IQGAP2: variants seen among roughly 807,000 people sequenced by gnomAD.
IQGAP2 encodes the protein IQ motif containing GTPase activating protein 2, also known as ras GTPase-activating-like protein IQGAP2.
A neutral mutation model predicts 201.3 loss-of-function variants in IQGAP2; 173 were observed. The ratio of observed to expected loss-of-function variants is 0.86; its 90% confidence interval spans 0.76 to 0.98. The LOEUF (loss-of-function observed/expected upper bound fraction) is 0.98. IQGAP2 is among the 50% of genes least tolerant of loss of function. The pLI is 0.00. For synonymous variants in IQGAP2, 675 were observed against 673.9 expected (o/e 1.00, Z -0.03); for missense variants, 1,687 against 1,864.8 (o/e 0.90, Z 1.76).
chr5:76,587,100 A>G (rs115341403), intron 5 of IQGAP2, among the ~76,000 whole-genome samples: 3,924 of 152,296 alleles, frequency 0.026, 79 homozygotes, highest in Non-Finnish European at 0.04. Flanking sequence ...TTTTTTCCTA[A>G]GCAATGATGC....
intron 2 of IQGAP2, among the ~76,000 whole-genome samples, chr5:76,542,444 C>T (rs1275902100): frequency 6.6e-6 from 1 of 152,210 alleles, no homozygotes; most frequent in Non-Finnish European, 1.5e-5. Flanking sequence ...TTACCGGTAC[C>T]GGCCTCACCC....
At chr5:76,617,379 G>A (rs1348638938) in intron 13 of IQGAP2, 2 of 517,986 alleles carry the variant, frequency 3.9e-6, no homozygotes, top group Non-Finnish European at 6.8e-6. Context: ...AGCCAAGATA[G>A]TGCCACTGCA....
chr5:76,595,253 T>A (rs1044207724), intron 9 of IQGAP2, among the ~76,000 whole-genome samples: 2 of 142,132 alleles, frequency 1.4e-5, no homozygotes, highest in African/African-American at 5.2e-5. Flanking sequence ...CTTTTTTTTT[T>A]TTTTTTTTTT....
At chr5:76,644,183 A>G (rs1242669892) in intron 17 of IQGAP2, among the ~76,000 whole-genome samples, 2 of 152,052 alleles carry the variant, frequency 1.3e-5, no homozygotes, top group Non-Finnish European at 2.9e-5. Context: ...GATACTCTGC[A>G]CAGAAAATAT....
chr5:76,441,754 AC>A (rs1753053731), intron 1 of IQGAP2, among the ~76,000 whole-genome samples: 1 of 152,202 alleles, frequency 6.6e-6, no homozygotes, highest in African/African-American at 2.4e-5. Context: ...AGATATCAAA[AC>A]TAAAGAAATT....
chr5:76,436,518 T>TATATATATATA (rs1439729076), intron 1 of IQGAP2, among the ~76,000 whole-genome samples: 9 of 19,716 alleles, frequency 4.6e-4, no homozygotes, highest in African/African-American at 1.8e-3. Flanking sequence ...TATATATATA[T>TATATATATATA]TTTTTTTTTT....
At chr5:76,648,257 T>A (rs1460001388) in intron 17 of IQGAP2, among the ~76,000 whole-genome samples, 1 of 152,148 alleles carries the variant, frequency 6.6e-6, no homozygotes, top group Admixed American at 6.5e-5. Context: ...AGCCTCCTTT[T>A]TTTCTCTTCA....
chr5:76,659,327 A>G (rs745997269), intron 21 of IQGAP2, among the ~76,000 whole-genome samples: 8 of 152,248 alleles, frequency 5.3e-5, no homozygotes, highest in Non-Finnish European at 1.0e-4. Flanking sequence ...ATAAAAGCAC[A>G]CATTTTATTG....
At chr5:76,623,936 C>CTTTTTT (rs368076875) in intron 13 of IQGAP2, among the ~76,000 whole-genome samples, 10,366 of 100,432 alleles carry the variant, frequency 0.1, 1,183 homozygotes, top group Non-Finnish European at 0.12. Flanking sequence ...TTTGTTCAGG[C>CTTTTTT]TTTTTTTTTT....
At chr5:76,654,137 G>A in intron 18 of IQGAP2, 63 bp from the exon 19 acceptor site, 1 of 1,109,408 alleles carries the variant, frequency 9.0e-7, no homozygotes, top group East Asian at 2.4e-5. Context: ...GGGTTGTTTG[G>A]TGATTACTTT....
At chr5:76,602,685 C>T (rs4558967) in intron 11 of IQGAP2, among the ~76,000 whole-genome samples, 6,075 of 152,078 alleles carry the variant, frequency 0.04, 377 homozygotes, top group African/African-American at 0.14. Context: ...TGTATTGGCC[C>T]CAAATGATCT....
At chr5:76,641,946 C>T (rs1262279232) in intron 17 of IQGAP2, among the ~76,000 whole-genome samples, 3 of 152,144 alleles carry the variant, frequency 2.0e-5, no homozygotes, top group Non-Finnish European at 2.9e-5. Context: ...ATTTTACAAA[C>T]ATTTGTCTTC....
chr5:76,550,995 C>T (rs1448041576), intron 2 of IQGAP2, among the ~76,000 whole-genome samples: 2 of 151,278 alleles, frequency 1.3e-5, no homozygotes, highest in South Asian at 2.1e-4. Context: ...TGCCCCCCAC[C>T]TCCCTCCCGG....
intron 2 of IQGAP2, among the ~76,000 whole-genome samples, chr5:76,553,100 G>A (rs896929268): frequency 2.0e-5 from 3 of 152,084 alleles, no homozygotes; most frequent in African/African-American, 7.3e-5. Flanking sequence ...CGTTCCCCTG[G>A]GCTAATAAGG....
intron 2 of IQGAP2, among the ~76,000 whole-genome samples, chr5:76,490,236 A>T (rs1355152247): frequency 6.6e-6 from 1 of 152,182 alleles, no homozygotes; most frequent in African/African-American, 2.4e-5. Context: ...AAGATTGAGG[A>T]TGATTCATTT....
At chr5:76,453,557 T>G in intron 1 of IQGAP2, among the ~76,000 whole-genome samples, 1 of 152,228 alleles carries the variant, frequency 6.6e-6, no homozygotes, top group East Asian at 1.9e-4. Flanking sequence ...CCTCTGCTAT[T>G]TTACTATTTG....
chr5:76,491,539 A>T (rs1170859834), intron 2 of IQGAP2, among the ~76,000 whole-genome samples: 1 of 152,100 alleles, frequency 6.6e-6, no homozygotes, highest in Non-Finnish European at 1.5e-5. Flanking sequence ...CTTGGGCTCA[A>T]GTGATCCTCC....
chr5:76,615,856 A>G (rs1460265207), intron 13 of IQGAP2: 1 of 152,654 alleles, frequency 6.6e-6, no homozygotes, highest in Non-Finnish European at 1.5e-5. Context: ...CCTGGTGAGT[A>G]TAGTCTTAGT....
chr5:76,431,811 C>A lies in IQGAP2; in HGVS notation c.46+28220C>A, dbSNP rs191567441. On this transcript the variant is annotated intron_variant, in intron 1 of 35. Transcript: ENST00000274364. ...GCACTCCAGCCTGGCGACAGAGACT[C>A]TGTATCAAAAAAAAAAAAAAAAAAG... Among the ~76,000 whole-genome samples, 894 of 123,900 alleles carry A rather than the reference C, an allele frequency of 7.2e-3. 2 individuals are homozygous for A. Among genetic ancestry groups the A allele is most frequent in the Non-Finnish European group, 8.8e-3 (535 of 60,836 alleles). 81.3% of individuals were successfully genotyped at this position (123,900 alleles called of 152,430 possible).
Sources: gnomAD v4.1 joint callset for allele counts (sites outside exome capture counted in the v4.1 genomes callset) on GRCh38, gnomAD v4.1.1 for gene constraint, MANE v1.5 for transcripts, NCBI Gene and HGNC (gene_info 2026-07-23, HGNC 2026-07-21) for gene names.